TDRP: variants seen among roughly 807,000 people sequenced by gnomAD.
The protein encoded by TDRP is testis development related protein.
Under a neutral mutation model 10.5 loss-of-function variants are expected in TDRP, and 12 were observed. That is an observed-to-expected ratio of 1.15 (90% CI 0.73 to 1.86). The LOEUF (loss-of-function observed/expected upper bound fraction) is 1.86, where lower values mean the gene tolerates loss of function less well. Ranked by LOEUF, TDRP falls within the 40% of genes most tolerant of loss-of-function variation. The pLI, the probability that TDRP is intolerant of heterozygous loss-of-function variation, is 0.00. For synonymous variants in TDRP, 139 were observed against 95.4 expected (o/e 1.46, Z -2.67); for missense variants, 353 against 229.2 (o/e 1.54, Z -3.49).
At chr8:510,904 A>C (rs1393403230) in intron 1 of TDRP, among the ~76,000 whole-genome samples, 3 of 152,252 alleles carry the variant, frequency 2.0e-5, no homozygotes, top group Non-Finnish European at 4.4e-5. Context: ...GGCATATACT[A>C]CATAGAAATG....
chr8:533,564 G>T (rs936407650), intron 1 of TDRP, among the ~76,000 whole-genome samples: 2 of 152,158 alleles, frequency 1.3e-5, no homozygotes, highest in South Asian at 2.1e-4. Flanking sequence ...AACCCCAGAC[G>T]TTTCATCGGC....
At chr8:530,538 G>A (rs1233304298) in intron 1 of TDRP, among the ~76,000 whole-genome samples, 3 of 152,058 alleles carry the variant, frequency 2.0e-5, no homozygotes, top group African/African-American at 7.2e-5. Context: ...GAGATTCTGG[G>A]GCCTCTCAAA....
Position 490,972 on chromosome 8 carries a change from G to A in TDRP, c.*1427C>T, listed in dbSNP as rs1267350838. The A allele has an allele frequency of 5.3e-5, 8 of 152,224 alleles. No homozygotes were observed. The highest frequency in any genetic ancestry group is 1.9e-4 in the African/African-American group (8 of 41,448). 9.4% of individuals were successfully genotyped at this position (152,224 alleles called of 1,614,324 possible). ...GACAGGTGAATAGATACGGATGATTGATAGGTATAAGTGATTGACACAGAT... is the reference window on the plus strand; with the variant it reads ...GACAGGTGAATAGATACGGATGATTAATAGGTATAAGTGATTGACACAGAT... On this transcript the variant is annotated 3_prime_UTR_variant, in exon 3 of 3. Coordinates refer to ENST00000324079, the MANE Select transcript of TDRP (RefSeq NM_001384899.1).
intron 1 of TDRP, among the ~76,000 whole-genome samples, chr8:527,499 C>G: frequency 6.6e-6 from 1 of 152,042 alleles, no homozygotes. Flanking sequence ...AATCATGTTA[C>G]CCGACTTCAA....
At chr8:524,265 A>C (rs989964947) in intron 1 of TDRP, among the ~76,000 whole-genome samples, 1 of 152,190 alleles carries the variant, frequency 6.6e-6, no homozygotes, top group Non-Finnish European at 1.5e-5. Context: ...TACAGTGACG[A>C]AAAACTTAGA....
intron 1 of TDRP, among the ~76,000 whole-genome samples, chr8:518,245 T>C (rs1801808423): frequency 6.6e-6 from 1 of 152,178 alleles, no homozygotes; most frequent in Non-Finnish European, 1.5e-5. Context: ...CTAAGAACTC[T>C]GTGCCTTCCC....
intron 1 of TDRP, among the ~76,000 whole-genome samples, chr8:541,209 C>T (rs1055340980): frequency 2.0e-5 from 3 of 152,150 alleles, no homozygotes; most frequent in Admixed American, 6.5e-5. Context: ...TAGAATAAGA[C>T]TAATCTGTCA....
intron 1 of TDRP, among the ~76,000 whole-genome samples, chr8:518,767 T>A (rs1248806347): frequency 1.3e-5 from 2 of 152,116 alleles, no homozygotes; most frequent in East Asian, 3.9e-4. Context: ...ACCATTTTTT[T>A]TTTAGCTTAA....
chr8:540,000 G>C (rs1056854050), intron 1 of TDRP, among the ~76,000 whole-genome samples: 1 of 152,126 alleles, frequency 6.6e-6, no homozygotes, highest in African/African-American at 2.4e-5. Context: ...TCTGAGTTTT[G>C]TTTAGAAAGC....
Position 491,612 on chromosome 8 carries a change from A to G in TDRP, c.*787T>C. The stretch of plus-strand genomic sequence containing the variant: ...CAGTCTTAACTCTCTATAATGAGCA[A>G]GACAATGTTTCCTAAATGAAATTAT... On this transcript the variant is annotated 3_prime_UTR_variant, in exon 3 of 3. Coordinates refer to ENST00000324079, the MANE Select transcript of TDRP (RefSeq NM_001384899.1). The G allele has an allele frequency of 6.5e-7, 1 of 1,531,194 alleles. No homozygotes were observed. The highest frequency in any genetic ancestry group is 8.7e-7 in the Non-Finnish European group (1 of 1,145,568). 94.9% of individuals were successfully genotyped at this position (1,531,194 alleles called of 1,614,324 possible).
chr8:543,671 G>A (rs908177211), intron 1 of TDRP, among the ~76,000 whole-genome samples: 3 of 151,922 alleles, frequency 2.0e-5, no homozygotes, highest in Non-Finnish European at 2.9e-5. Context: ...CATGAGTTAG[G>A]AATGGAATTT....
intron 1 of TDRP, among the ~76,000 whole-genome samples, chr8:519,889 T>A (rs1584871403): frequency 6.6e-6 from 1 of 152,272 alleles, no homozygotes; most frequent in Non-Finnish European, 1.5e-5. Context: ...AGGTGTCTGA[T>A]CCGAATCAGC....
intron 1 of TDRP, among the ~76,000 whole-genome samples, chr8:516,091 G>A (rs564909148): frequency 6.6e-6 from 1 of 152,194 alleles, no homozygotes; most frequent in South Asian, 2.1e-4. Flanking sequence ...TGAATGGATG[G>A]CTGAACATTA....
rs1800950248 is a variant in TDRP, at chr8:490,858, A to G, written c.*1541T>C. 6.6e-6 allele frequency: 1 copy of G among 152,290 alleles called. No individual in the cohort carries two copies. The highest frequency in any genetic ancestry group is 2.1e-4 in the South Asian group (1 of 4,816). The allele number at this position is 152,290 out of a possible 1,614,324, so 9.4% of individuals were successfully genotyped here. A position where few individuals can be genotyped will look rare whatever the true frequency, so the allele number is the denominator to read the frequency against. On this transcript the variant is annotated 3_prime_UTR_variant, in exon 3 of 3. Coordinates refer to ENST00000324079, the MANE Select transcript of TDRP (RefSeq NM_001384899.1). ...AAACATGTCCCCCTTTCAAGACTTG[A>G]TAAGTAAACTTCTTGTTCTATTAAA...
At chr8:515,851 A>G (rs1045434960) in intron 1 of TDRP, among the ~76,000 whole-genome samples, 4 of 152,214 alleles carry the variant, frequency 2.6e-5, no homozygotes, top group Non-Finnish European at 5.9e-5. Context: ...CAATGACTAC[A>G]TAACTAGAAA....
chr8:497,583 T>A (rs562390637), intron 1 of TDRP, among the ~76,000 whole-genome samples: 2 of 152,338 alleles, frequency 1.3e-5, no homozygotes, highest in South Asian at 4.1e-4. Flanking sequence ...ATTTGCAGCC[T>A]GACCCTGCAA....
At chr8:532,992 T>G (rs1429714030) in intron 1 of TDRP, among the ~76,000 whole-genome samples, 1 of 152,104 alleles carries the variant, frequency 6.6e-6, no homozygotes, top group Non-Finnish European at 1.5e-5. Flanking sequence ...AGCCCTTACT[T>G]AAAACAGGAA....
intron 1 of TDRP, among the ~76,000 whole-genome samples, chr8:513,099 T>C (rs1801661593): frequency 8.5e-6 from 1 of 117,688 alleles, no homozygotes; most frequent in African/African-American, 3.4e-5. Flanking sequence ...TACCAATTCT[T>C]CACACTATTT....
chr8:505,412 T>G (rs974472231), intron 1 of TDRP, among the ~76,000 whole-genome samples: 2 of 152,206 alleles, frequency 1.3e-5, no homozygotes, highest in Non-Finnish European at 2.9e-5. Flanking sequence ...ATATTGAAGA[T>G]GTGTAAAATT....
Sources: gnomAD v4.1 joint callset for allele counts (sites outside exome capture counted in the v4.1 genomes callset) on GRCh38, gnomAD v4.1.1 for gene constraint, MANE v1.5 for transcripts, NCBI Gene and HGNC (gene_info 2026-07-23, HGNC 2026-07-21) for gene names.